The following MCFD2 variants were observed in gnomAD, a reference collection of about 807,000 sequenced individuals.
MCFD2 encodes the protein multiple coagulation factor deficiency protein 2.
Under a neutral mutation model 12.8 loss-of-function variants are expected in MCFD2, and 11 were observed. That is an observed-to-expected ratio of 0.86 (90% CI 0.54 to 1.42). The LOEUF (loss-of-function observed/expected upper bound fraction) is 1.42, where lower values mean the gene tolerates loss of function less well. Ranked by LOEUF, MCFD2 falls within the 40% of genes most tolerant of loss-of-function variation. MCFD2 has a pLI of 0.00. For synonymous variants in MCFD2, 70 were observed against 68.1 expected, an observed-to-expected ratio of 1.03 and a Z score of -0.14; for missense variants, 191 against 178.6, an observed-to-expected ratio of 1.07 and a Z score of -0.40.
chr2:46,941,428 G>T lies in MCFD2; in HGVS notation c.-8+144C>A, dbSNP rs1670362941. The T allele has an allele frequency of 4.3e-6, 5 of 1,164,184 alleles. No individual in the cohort carries two copies. Among genetic ancestry groups the T allele is most frequent in the Admixed American group, 8.4e-5 (2 of 23,946 alleles). 72.1% of individuals were successfully genotyped at this position (1,164,184 alleles called of 1,614,324 possible). A position where few individuals can be genotyped will look rare whatever the true frequency, so the allele number is the denominator to read the frequency against. ...GGCCCCCGCTGCCGCCCGGGCCCCG[G>T]CTGCCGTCTGCGCCCCCGTCGACCC... On this transcript the variant is annotated intron_variant, in intron 1 of 2. Transcript: ENST00000409147. The surrounding 1 kb of genome is among the most constrained non-coding windows in gnomAD (Gnocchi z 4.2).
chr2:46,919,054 T>C (rs1668963557), upstream of MCFD2, among the ~76,000 whole-genome samples: 1 of 152,200 alleles, frequency 6.6e-6, no homozygotes, highest in South Asian at 2.1e-4. Flanking sequence ...AGGTGGCATC[T>C]CTTTCCTCAG....
At chr2:46,923,524 A>G (rs1669216918) in intron 1 of MCFD2, among the ~76,000 whole-genome samples, 1 of 152,206 alleles carries the variant, frequency 6.6e-6, no homozygotes, top group Non-Finnish European at 1.5e-5. Flanking sequence ...AGTCCTAGCC[A>G]TATGTGAAAG....
rs1426732961 is a variant in MCFD2, at chr2:46,941,308, G to A, written c.-8+264C>T. 2 of 192,504 alleles carry A rather than the reference G, an allele frequency of 1.0e-5. No individual in the cohort carries two copies. Among genetic ancestry groups the A allele is most frequent in the African/African-American group, 4.7e-5 (2 of 42,324 alleles). 11.9% of individuals were successfully genotyped at this position (192,504 alleles called of 1,614,324 possible). On this transcript the variant is annotated intron_variant, in intron 1 of 2. Transcript: ENST00000409147. This position sits in a 1 kb window ranked among gnomAD's most constrained non-coding sequence, Gnocchi z 4.2. ...GGAGGTTGCTCCTGTACGCGTACGG[G>A]CCGCTCGGCCGGAGCCGCAGCCCGG...
chr2:46,934,348 T>C (rs1471812646), intron 1 of MCFD2, among the ~76,000 whole-genome samples: 4 of 152,218 alleles, frequency 2.6e-5, no homozygotes, highest in Non-Finnish European at 5.9e-5. Context: ...AACCTCTGCC[T>C]TCCGGGTTCA....
chr2:46,918,195 T>C (rs1668914477), upstream of MCFD2, among the ~76,000 whole-genome samples: 1 of 152,208 alleles, frequency 6.6e-6, no homozygotes, highest in Non-Finnish European at 1.5e-5. Context: ...TGCACCTCTC[T>C]CAGTCTTGTG....
At position 46,908,091 on chromosome 2, in the gene MCFD2, G is replaced by T; in HGVS notation, c.150-122C>A. On this transcript the variant is annotated intron_variant, in intron 2 of 3. Coordinates refer to ENST00000319466, the MANE Select transcript of MCFD2 (RefSeq NM_139279.6). The surrounding 1 kb of genome is among the most constrained non-coding windows in gnomAD (Gnocchi z 4.5). ...CAGCTCAGAAAAACAAACACCAGCA[G>T]TGGCAGACCACACTCAAGGATTACA... is the stretch of plus-strand genomic sequence containing the variant. The T allele has an allele frequency of 1.9e-6, 2 of 1,030,990 alleles. No homozygotes were observed. Among genetic ancestry groups the T allele is most frequent in the Non-Finnish European group, 2.9e-6 (2 of 682,766 alleles). 63.9% of individuals were successfully genotyped at this position (1,030,990 alleles called of 1,614,324 possible).
intron 1 of MCFD2, among the ~76,000 whole-genome samples, chr2:46,923,059 C>T (rs992218504): frequency 8.5e-5 from 13 of 152,210 alleles, no homozygotes; most frequent in African/African-American, 2.9e-4. Flanking sequence ...TGGAAGGGTC[C>T]TGAGCACAGG....
At position 46,905,484 on chromosome 2, in the gene MCFD2, T is replaced by G; in HGVS notation, c.420A>C (p.Glu140Asp). ...KNNDGYIDYAEFAKSLQ is the reference protein window; with the variant it reads ...KNNDGYIDYADFAKSLQ ...ACATCTACTGCAGTGATTTTGCAAATTCAGCATAGTCAATGTATCCATCAT... is the reference window on the plus strand; with the variant it reads ...ACATCTACTGCAGTGATTTTGCAAAGTCAGCATAGTCAATGTATCCATCAT... The change falls in exon 4 of 4, where the codon GAA (glutamate) becomes GAC (aspartate). Residue 140 changes from glutamate (E) to aspartate (D), a missense_variant. Glu to Asp is a conservative substitution (Grantham distance 45). Coordinates refer to ENST00000319466, the MANE Select transcript of MCFD2 (RefSeq NM_139279.6). 1 of 1,612,798 alleles carries G rather than the reference T, an allele frequency of 6.2e-7. No homozygotes were observed.
upstream of MCFD2, chr2:46,916,157 C>G (rs965413825): frequency 2.0e-6 from 2 of 985,570 alleles, no homozygotes; most frequent in Non-Finnish European, 2.4e-6. Context: ...CGCTCACCCC[C>G]TCCTATACAG....
At position 46,940,394 on chromosome 2, in the gene MCFD2, G is replaced by A. The variant is rs1572666514; in HGVS notation, c.-8+1178C>T. Reference sequence around the variant, plus strand: ...CAGCACTGGTCTGTGAGCTGCGGCGGCAGCGGGGCCGGGCCCCTGTAAGAG... The same window carrying A: ...CAGCACTGGTCTGTGAGCTGCGGCGACAGCGGGGCCGGGCCCCTGTAAGAG... On this transcript the variant is annotated intron_variant, in intron 1 of 2. Coordinates refer to the MCFD2 transcript ENST00000409147. The surrounding 1 kb of genome is among the most constrained non-coding windows in gnomAD (Gnocchi z 4.7). Among the ~76,000 whole-genome samples the A allele has an allele frequency of 6.6e-6, 1 of 152,112 alleles. No individual in the cohort carries two copies. Among genetic ancestry groups the A allele is most frequent in the East Asian group, 1.9e-4 (1 of 5,156 alleles).
chr2:46,916,186 C>G, upstream of MCFD2: 6 of 983,372 alleles, frequency 6.1e-6, no homozygotes, highest in Non-Finnish European at 6.0e-6. Flanking sequence ...GTTCAGGTCT[C>G]TTGGTTCGTC....
rs1006537837 is a variant in MCFD2, at chr2:46,937,402, T to C, written c.-8+4170A>G. Among the ~76,000 whole-genome samples the C allele has an allele frequency of 2.0e-5, 3 of 152,154 alleles. No homozygotes were observed. The highest frequency in any genetic ancestry group is 4.4e-5 in the Non-Finnish European group (3 of 68,032). On this transcript the variant is annotated intron_variant, in intron 1 of 2. Transcript: ENST00000409147. This position sits in a 1 kb window ranked among gnomAD's most constrained non-coding sequence, Gnocchi z 4.0. ...TCAGAATAGAAAAAAAAAATCTCTA[T>C]GGTGGATTTTAAGCCCTGTTTTCAT... is the stretch of plus-strand genomic sequence containing the variant.
At position 46,915,804 on chromosome 2, in the gene MCFD2, T is replaced by TCGGGGGGGGGGGGGGGG; in HGVS notation, c.-89_-88insCCCCCCCCCCCCCCCCG. On this transcript the variant is annotated 5_prime_UTR_variant, in exon 1 of 4. Transcript: ENST00000319466. ...GTCCCCAAAACGCTCTTCCTCGGCT[T>TCGGGGGGGGGGGGGGGG]CGCCCCGCCCCCCCCCCCCCCCCGA... The TCGGGGGGGGGGGGGGGG allele has an allele frequency of 5.3e-6, 3 of 568,426 alleles. No individual in the cohort carries two copies. Among genetic ancestry groups the TCGGGGGGGGGGGGGGGG allele is most frequent in the Non-Finnish European group, 5.9e-6 (3 of 510,732 alleles). 35.2% of individuals were successfully genotyped at this position (568,426 alleles called of 1,614,324 possible). A position where few individuals can be genotyped will look rare whatever the true frequency, so the allele number is the denominator to read the frequency against.
In MCFD2 at chr2:46,902,843, A is replaced by G. The variant is rs1668067072; in HGVS notation, c.*2620T>C. On this transcript the variant is annotated 3_prime_UTR_variant, in exon 4 of 4. Transcript: ENST00000319466. ...GGAACCACCAGGGCAAACATTTGGT[A>G]TTCACTCCACTTCACTGTTACTGAA... 1 of 152,178 alleles carries G rather than the reference A, an allele frequency of 6.6e-6. No homozygotes were observed. The allele number at this position is 152,178 out of a possible 1,614,324, so 9.4% of individuals were successfully genotyped here.
rs1254106218 is a variant in MCFD2, at chr2:46,909,164, A to T, written c.8T>A (p.Met3Lys). ...GAAGGGGGTTCTGAGCAGGGATCTC[A>T]TGGTCATCAATATCTGTGAGATGGG... MT[M>K]RSLLRTPFLC... The change falls in exon 2 of 4, where the codon ATG (methionine) becomes AAG (lysine). Residue 3 changes from methionine to lysine, a missense_variant. By Grantham distance (95) the Met-to-Lys change is moderately conservative. Coordinates refer to ENST00000319466, the MANE Select transcript of MCFD2 (RefSeq NM_139279.6). 1.2e-6 allele frequency: 2 copies of T among 1,611,302 alleles called. No individual in the cohort carries two copies. Among genetic ancestry groups the T allele is most frequent in the African/African-American group, 2.7e-5 (2 of 74,864 alleles).
At chr2:46,917,421 T>G (rs1353198340), upstream of MCFD2, 1 of 564,828 alleles carries the variant, frequency 1.8e-6, no homozygotes, top group Non-Finnish European at 3.1e-6. Context: ...TTCATCCATC[T>G]CTTCATCCAT....
intron 1 of MCFD2, among the ~76,000 whole-genome samples, chr2:46,932,153 C>T (rs1415620551): frequency 6.2e-5 from 9 of 144,116 alleles, no homozygotes; most frequent in Admixed American, 2.1e-4. Context: ...TTCTGGGATT[C>T]TTTTTTTTTT....
At chr2:46,915,691 GC>G (rs1668717251) in intron 1 of MCFD2, 31 bp downstream of exon 1, 3 of 876,774 alleles carry the variant, frequency 3.4e-6, no homozygotes, top group Non-Finnish European at 2.7e-6. Context: ...CCGGGATCCC[GC>G]CCGCTGCGGA....
intron 1 of MCFD2, among the ~76,000 whole-genome samples, chr2:46,935,193 A>G (rs1051898297): frequency 5.9e-5 from 9 of 152,098 alleles, no homozygotes; most frequent in Admixed American, 3.3e-4. Context: ...CCTGCTGGAA[A>G]AGAGCTGTGA....
Sources: gnomAD v4.1 joint callset for allele counts (sites outside exome capture counted in the v4.1 genomes callset) on GRCh38, gnomAD v4.1.1 for gene constraint, Gnocchi (gnomAD v3.1) non-coding constraint, MANE v1.5 for transcripts, NCBI Gene and HGNC (gene_info 2026-07-23, HGNC 2026-07-21) for gene names.